KCNH7: variants seen among roughly 807,000 people sequenced by gnomAD.
The protein encoded by KCNH7 is voltage-gated inwardly rectifying potassium channel KCNH7.
A neutral mutation model predicts 120.8 loss-of-function variants in KCNH7; 49 were observed. The observed-to-expected ratio is 0.41, with a 90% CI of 0.32 to 0.51. The LOEUF is 0.51. Among genes scored for constraint, KCNH7 ranks in the 20% least tolerant of loss-of-function variants. The probability of loss-of-function intolerance (pLI) is 0.38; values close to 1 mark genes in which losing one functional copy is unlikely to be tolerated. For missense variants in KCNH7, 1,097 were observed against 1,446.6 expected, an observed-to-expected ratio of 0.76 and a Z score of 3.92; for synonymous variants, 547 against 516.1, an observed-to-expected ratio of 1.06 and a Z score of -0.81.
intron 2 of KCNH7, chr2:162,797,118 C>G (rs1216253596): frequency 6.6e-6 from 1 of 152,092 alleles, no homozygotes; most frequent in Non-Finnish European, 1.5e-5. Context: ...TCTACTGGGA[C>G]TACAGAAGTT....
intron 2 of KCNH7, among the ~76,000 whole-genome samples, chr2:162,697,419 A>G (rs1228987828): frequency 6.6e-6 from 1 of 152,210 alleles, no homozygotes; most frequent in Non-Finnish European, 1.5e-5. Context: ...GATTGAAATA[A>G]TTTTAAACAC....
intron 2 of KCNH7, among the ~76,000 whole-genome samples, chr2:162,684,402 G>A (rs1453964607): frequency 6.6e-6 from 1 of 152,112 alleles, no homozygotes; most frequent in Non-Finnish European, 1.5e-5. Context: ...TATCATCAGA[G>A]TGAACAGGCA....
chr2:162,561,260 T>C (rs1693054732), intron 2 of KCNH7, among the ~76,000 whole-genome samples: 1 of 152,216 alleles, frequency 6.6e-6, no homozygotes, highest in Non-Finnish European at 1.5e-5. Context: ...TTTATCTATT[T>C]TGCTGTGGCT....
chr2:162,486,584 G>A (rs1003140942), intron 6 of KCNH7, among the ~76,000 whole-genome samples: 4 of 151,996 alleles, frequency 2.6e-5, no homozygotes, highest in Non-Finnish European at 2.9e-5. Flanking sequence ...GAAAAAATAG[G>A]AAAAAATATT....
At position 162,550,094 on chromosome 2, in the gene KCNH7, A is replaced by G. The variant is rs546884649; in HGVS notation, c.308-13014T>C. Among the ~76,000 whole-genome samples the G allele has an allele frequency of 3.3e-5, 5 of 152,328 alleles. No homozygotes were observed. The East Asian group carries it at 9.7e-4, about 29-fold the overall frequency. On this transcript the variant is annotated intron_variant, in intron 2 of 15. Transcript: ENST00000332142. ...GCATAGATATTTTCAAACTAATTTC[A>G]GAGGCCATAGCGGTGTGGAATGCTT...
intron 6 of KCNH7, among the ~76,000 whole-genome samples, chr2:162,483,852 G>A (rs377074163): frequency 6.6e-6 from 1 of 152,112 alleles, no homozygotes; most frequent in Non-Finnish European, 1.5e-5. Context: ...CATTTATCTT[G>A]TAGAGAAGAG....
chr2:162,705,010 G>T (rs889346659), intron 2 of KCNH7, among the ~76,000 whole-genome samples: 7 of 151,058 alleles, frequency 4.6e-5, no homozygotes, highest in Non-Finnish European at 8.8e-5. Flanking sequence ...ATTATGAATT[G>T]GGCACATTTT....
At chr2:162,787,015 T>C (rs1683733371) in intron 2 of KCNH7, among the ~76,000 whole-genome samples, 1 of 152,206 alleles carries the variant, frequency 6.6e-6, no homozygotes, top group Non-Finnish European at 1.5e-5. Context: ...TGGAGAATGA[T>C]ACCTTTAGCA....
At chr2:162,762,904 G>GA (rs966630891) in intron 2 of KCNH7, among the ~76,000 whole-genome samples, 2 of 151,992 alleles carry the variant, frequency 1.3e-5, no homozygotes, top group Admixed American at 1.3e-4. Flanking sequence ...TATATTCTAT[G>GA]AAATTAAGGA....
rs889206562 is a variant in KCNH7, at chr2:162,400,587, G to A, written c.2155-146C>T. 1.9e-5 allele frequency: 14 copies of A among 748,320 alleles called. No individual in the cohort carries two copies. In the African/African-American group the frequency reaches 2.3e-4, roughly 12 times the overall value. The allele number at this position is 748,320 out of a possible 1,614,324, so 46.4% of individuals were successfully genotyped here. On this transcript the variant is annotated intron_variant, in intron 9 of 15. Coordinates refer to ENST00000332142, the MANE Select transcript of KCNH7 (RefSeq NM_033272.4). The stretch of plus-strand genomic sequence containing the variant: ...ACTCTTCTACCTCGCCTACCTTAAT[G>A]AATACTTGATTTGCTAAACATGTCA...
In KCNH7 at chr2:162,371,524, A is replaced by G. The variant is rs1685945833; in HGVS notation, c.*305T>C. 2.7e-6 allele frequency: 3 copies of G among 1,112,008 alleles called. No individual in the cohort carries two copies. The highest frequency in any genetic ancestry group is 3.5e-6 in the Non-Finnish European group (3 of 863,528). The allele number at this position is 1,112,008 out of a possible 1,614,324, so 68.9% of individuals were successfully genotyped here. ...TACTGGTTTAGTAAAAGCAGTAAATAGGAGTCTCCATGCAAGAGAAATTGG... is the reference window on the plus strand; with the variant it reads ...TACTGGTTTAGTAAAAGCAGTAAATGGGAGTCTCCATGCAAGAGAAATTGG... On this transcript the variant is annotated 3_prime_UTR_variant, in exon 16 of 16. Transcript: ENST00000332142.
intron 12 of KCNH7, among the ~76,000 whole-genome samples, chr2:162,393,016 T>A (rs1303437171): frequency 6.6e-6 from 1 of 151,970 alleles, no homozygotes; most frequent in Non-Finnish European, 1.5e-5. Flanking sequence ...GGCCCAGAGC[T>A]GTGGCTAAGT....
chr2:162,518,288 A>G (rs759268500), intron 3 of KCNH7, 130 bp from the exon 4 acceptor site: 36 of 694,920 alleles, frequency 5.2e-5, no homozygotes, highest in Admixed American at 1.2e-4. Context: ...TAGTTGGAAT[A>G]GAGGATATTG....
intron 2 of KCNH7, among the ~76,000 whole-genome samples, chr2:162,589,085 C>T (rs1317366810): frequency 2.0e-5 from 3 of 151,996 alleles, no homozygotes; most frequent in Admixed American, 2.0e-4. Context: ...TGACTCTGTG[C>T]TAAATATTTC....
At chr2:162,508,629 G>T (rs1320946600) in intron 5 of KCNH7, among the ~76,000 whole-genome samples, 2 of 151,246 alleles carry the variant, frequency 1.3e-5, no homozygotes, top group Non-Finnish European at 1.5e-5. Flanking sequence ...AACTAAGGTA[G>T]GTATTAACAA....
intron 14 of KCNH7, among the ~76,000 whole-genome samples, chr2:162,378,990 T>A (rs1228499636): frequency 6.6e-6 from 1 of 152,214 alleles, no homozygotes; most frequent in East Asian, 1.9e-4. Flanking sequence ...AGAATTGGGG[T>A]AGTGCAATCC....
At chr2:162,668,976 T>C (rs1039282184) in intron 2 of KCNH7, among the ~76,000 whole-genome samples, 8 of 152,122 alleles carry the variant, frequency 5.3e-5, no homozygotes, top group African/African-American at 1.9e-4. Flanking sequence ...CAGCTAAAGG[T>C]AATTTTAAAA....
intron 14 of KCNH7, among the ~76,000 whole-genome samples, chr2:162,378,660 A>G (rs1686300302): frequency 6.6e-6 from 1 of 152,200 alleles, no homozygotes; most frequent in East Asian, 1.9e-4. Context: ...TAGAGATGGA[A>G]AGAACAAATT....
At chr2:162,645,445 C>T (rs1038075501) in intron 2 of KCNH7, among the ~76,000 whole-genome samples, 1 of 151,990 alleles carries the variant, frequency 6.6e-6, no homozygotes, top group Non-Finnish European at 1.5e-5. Context: ...TACACCTGGC[C>T]TATTACAAAA....
Sources: allele counts gnomAD v4.1 joint callset (sites outside exome capture counted in the v4.1 genomes callset), GRCh38; gene constraint gnomAD v4.1.1; transcripts MANE v1.5; gene names NCBI Gene and HGNC (gene_info 2026-07-23, HGNC 2026-07-21).